Variants in ALG5 observed in about 807,000 individuals in gnomAD.
The protein encoded by ALG5 is dolichyl-phosphate beta-glucosyltransferase.
ALG5 carries 26 observed loss-of-function variants against 51.8 expected under a neutral mutation model. The observed-to-expected ratio is 0.50, with a 90% CI of 0.37 to 0.70. ALG5 has a LOEUF of 0.70. Ranked by LOEUF, ALG5 falls within the 30% of genes least tolerant of loss-of-function variation. The pLI is 0.00. For missense variants in ALG5, 311 were observed against 399.3 expected, an observed-to-expected ratio of 0.78 and a Z score of 1.88; for synonymous variants, 141 against 136.1, an observed-to-expected ratio of 1.04 and a Z score of -0.25.
intron 8 of ALG5, among the ~76,000 whole-genome samples, chr13:36,955,317 A>T (rs1447578329): frequency 6.6e-6 from 1 of 152,232 alleles, no homozygotes; most frequent in Non-Finnish European, 1.5e-5. Context: ...TGAGTGTTTT[A>T]GTGCCATACT....
At chr13:36,984,402 T>C (rs2058992966) in intron 6 of ALG5, among the ~76,000 whole-genome samples, 1 of 152,114 alleles carries the variant, frequency 6.6e-6, no homozygotes, top group South Asian at 2.1e-4. Context: ...GCCTGTAATT[T>C]TTCTTTTAAT....
At chr13:36,972,471 A>G (rs2058928663) in intron 6 of ALG5, among the ~76,000 whole-genome samples, 1 of 152,158 alleles carries the variant, frequency 6.6e-6, no homozygotes, top group African/African-American at 2.4e-5. Context: ...ATATATATAC[A>G]AAACTTTAGA....
chr13:36,976,621 G>A (rs942963097), intron 6 of ALG5, among the ~76,000 whole-genome samples: 6 of 151,780 alleles, frequency 4.0e-5, no homozygotes, highest in African/African-American at 7.3e-5. Context: ...GGTTGCAAGC[G>A]CCTGTAGTCC....
intron 5 of ALG5, among the ~76,000 whole-genome samples, chr13:36,988,396 C>T (rs944325793): frequency 6.6e-6 from 1 of 152,208 alleles, no homozygotes; most frequent in African/African-American, 2.4e-5. Context: ...TCCTGTGACC[C>T]AGCCAAAGTG....
intron 5 of ALG5, among the ~76,000 whole-genome samples, chr13:36,988,733 T>C (rs1270277205): frequency 6.6e-6 from 1 of 152,224 alleles, no homozygotes; most frequent in Non-Finnish European, 1.5e-5. Flanking sequence ...TCCTGTTGAA[T>C]GTGGACGTGA....
chr13:36,989,719 G>A (rs977239388), intron 4 of ALG5, 143 bp from the exon 5 acceptor site: 1 of 604,526 alleles, frequency 1.7e-6, no homozygotes, highest in African/African-American at 1.9e-5. Context: ...ACATTCTGAT[G>A]ACCTGGAGGA....
intron 3 of ALG5, 135 bp from the exon 4 acceptor site, chr13:36,993,807 A>G (rs1314653387): frequency 2.1e-5 from 14 of 675,222 alleles, no homozygotes; most frequent in Non-Finnish European, 3.5e-5. Flanking sequence ...TTAGTGCACA[A>G]ACCGCATAAA....
intron 8 of ALG5, among the ~76,000 whole-genome samples, chr13:36,960,275 A>C (rs1290400345): frequency 2.6e-5 from 4 of 152,196 alleles, no homozygotes; most frequent in Non-Finnish European, 5.9e-5. Context: ...TTGGAAATTA[A>C]TATCTAAAAC....
intron 5 of ALG5, among the ~76,000 whole-genome samples, chr13:36,988,381 A>G (rs1285391737): frequency 6.6e-6 from 1 of 152,238 alleles, no homozygotes; most frequent in African/African-American, 2.4e-5. Flanking sequence ...TTTCTGTTTC[A>G]TATATCCTGT....
intron 4 of ALG5, among the ~76,000 whole-genome samples, chr13:36,992,590 C>A (rs565813978): frequency 2.6e-5 from 4 of 152,180 alleles, no homozygotes; most frequent in African/African-American, 9.7e-5. Flanking sequence ...AGCTGTCACT[C>A]GGCCACCATT....
At chr13:36,967,428 T>A (rs1291176464) in intron 7 of ALG5, among the ~76,000 whole-genome samples, 1 of 152,116 alleles carries the variant, frequency 6.6e-6, no homozygotes, top group Non-Finnish European at 1.5e-5. Flanking sequence ...TTAAAGAATA[T>A]AGCGAAGTGT....
chr13:36,969,487 G>C (rs1270572048), intron 7 of ALG5, among the ~76,000 whole-genome samples: 1 of 150,526 alleles, frequency 6.6e-6, no homozygotes, highest in East Asian at 1.9e-4. Flanking sequence ...ATTTTCATTA[G>C]CTGTTTTAGT....
At position 36,994,984 on chromosome 13, in the gene ALG5, G is replaced by A. The variant is rs1337051340; in HGVS notation, c.285+5C>T. 2 of 1,611,184 alleles carry A rather than the reference G, an allele frequency of 1.2e-6. No homozygotes were observed. The highest frequency in any genetic ancestry group is 2.7e-5 in the African/African-American group (2 of 74,736). ...GATATCATATTAAAAGAGAAAACAT[G>A]ATACCTGTCTCTTCTCTAGATAGCT... is the stretch of plus-strand genomic sequence containing the variant. On this transcript the variant is annotated splice_donor_5th_base_variant and intron_variant, in intron 3 of 9. Transcript: ENST00000239891.
At chr13:36,989,673 G>A (rs2138824439) in intron 4 of ALG5, 97 bp from the exon 5 acceptor site, 5 of 890,694 alleles carry the variant, frequency 5.6e-6, no homozygotes, top group African/African-American at 5.0e-5. Flanking sequence ...TGCTATTGCA[G>A]TTTATCCCTT....
chr13:36,969,136 T>C (rs1411349573), intron 7 of ALG5, among the ~76,000 whole-genome samples: 2 of 152,236 alleles, frequency 1.3e-5, no homozygotes, highest in African/African-American at 2.4e-5. Flanking sequence ...AGAGCAGTAC[T>C]AGGTAAAAGA....
At chr13:36,958,172 C>T (rs1566057339) in intron 8 of ALG5, among the ~76,000 whole-genome samples, 1 of 152,044 alleles carries the variant, frequency 6.6e-6, no homozygotes, top group Non-Finnish European at 1.5e-5. Context: ...CCTTACTGTT[C>T]TCTTACCCCC....
chr13:36,989,159 G>C (rs2059014772), intron 5 of ALG5, among the ~76,000 whole-genome samples: 1 of 152,022 alleles, frequency 6.6e-6, no homozygotes, highest in South Asian at 2.1e-4. Flanking sequence ...CTTCATCAAG[G>C]TAAAACTTAA....
intron 8 of ALG5, among the ~76,000 whole-genome samples, chr13:36,964,462 A>G (rs2058882960): frequency 6.6e-6 from 1 of 152,178 alleles, no homozygotes; most frequent in African/African-American, 2.4e-5. Flanking sequence ...GGATATATGC[A>G]TGTGGAGAAT....
At chr13:36,985,359 A>G (rs1449378979) in intron 6 of ALG5, among the ~76,000 whole-genome samples, 2 of 152,216 alleles carry the variant, frequency 1.3e-5, no homozygotes, top group African/African-American at 4.8e-5. Context: ...TATGCACAAT[A>G]AATATTAAAA....
Sources: allele counts gnomAD v4.1 joint callset (sites outside exome capture counted in the v4.1 genomes callset), GRCh38; gene constraint gnomAD v4.1.1; transcripts MANE v1.5; gene names NCBI Gene and HGNC (gene_info 2026-07-23, HGNC 2026-07-21).